Variants in AXIN1 observed in about 807,000 individuals in gnomAD.
AXIN1 encodes axin-1.
A neutral mutation model predicts 76.4 loss-of-function variants in AXIN1; 30 were observed. The ratio of observed to expected loss-of-function variants is 0.39; its 90% CI spans 0.29 to 0.53. The LOEUF (loss-of-function observed/expected upper bound fraction) is 0.53, where lower values mean the gene tolerates loss of function less well. Among genes scored for constraint, AXIN1 ranks in the 20% least tolerant of loss-of-function variants. The pLI, the probability that AXIN1 is intolerant of heterozygous loss-of-function variation, is 0.66. For missense variants in AXIN1, 1,140 were observed against 1,198.8 expected, an observed-to-expected ratio of 0.95 and a Z score of 0.72; for synonymous variants, 545 against 501.4, an observed-to-expected ratio of 1.09 and a Z score of -1.16.
At chr16:320,138 T>C (rs1029621723) in intron 2 of AXIN1, among the ~76,000 whole-genome samples, 1 of 152,112 alleles carries the variant, frequency 6.6e-6, no homozygotes, top group African/African-American at 2.4e-5. Flanking sequence ...TGACATTTTC[T>C]TTTTTATTCC....
chr16:318,569 G>A (rs1358254005), intron 2 of AXIN1, among the ~76,000 whole-genome samples: 3 of 152,256 alleles, frequency 2.0e-5, no homozygotes, highest in African/African-American at 2.4e-5. Flanking sequence ...GAACGTTCTG[G>A]TCAAAGACAC....
intron 2 of AXIN1, among the ~76,000 whole-genome samples, chr16:321,577 C>T (rs3933051): frequency 6.6e-6 from 1 of 151,948 alleles, no homozygotes. Context: ...GCTGGGAATA[C>T]GAGGTAGAAG....
intron 2 of AXIN1, among the ~76,000 whole-genome samples, chr16:345,400 A>C (rs1359064890): frequency 2.0e-5 from 3 of 152,226 alleles, no homozygotes; most frequent in East Asian, 3.9e-4. Flanking sequence ...CTGTAGGAAG[A>C]AGCTTAGAAG....
rs549473195 is a variant in AXIN1 at position 342,484 on chromosome 16, C to T, written c.878+3664G>A. ...TGCTGTGGTAGCAATGCTCACCAGC[C>T]GCCTGTTCAGTACCCACTCTCCTTT... On this transcript the variant is annotated intron_variant, in intron 2 of 10. Transcript: ENST00000262320. 6.2e-4 allele frequency among the ~76,000 whole-genome samples: 94 copies of T among 152,314 alleles called. 2 individuals carry two copies. Among genetic ancestry groups the T allele is most frequent in the Admixed American group, 2.2e-3 (33 of 15,302 alleles).
intron 4 of AXIN1, among the ~76,000 whole-genome samples, chr16:304,973 G>C (rs1252921139): frequency 2.0e-5 from 3 of 152,220 alleles, no homozygotes; most frequent in Non-Finnish European, 4.4e-5. Context: ...CTTCTTTCCA[G>C]CGTCTCCCGA....
intron 7 of AXIN1, among the ~76,000 whole-genome samples, chr16:295,677 T>C (rs1436463936): frequency 1.3e-5 from 2 of 152,092 alleles, no homozygotes. Context: ...AAAAAAAGGA[T>C]TCGGCCGGGC....
chr16:309,399 G>A (rs1419328427), intron 4 of AXIN1, among the ~76,000 whole-genome samples: 2 of 152,190 alleles, frequency 1.3e-5, no homozygotes, highest in African/African-American at 4.8e-5. Context: ...CATCAGCGCA[G>A]GAATGCTCTG....
intron 5 of AXIN1, among the ~76,000 whole-genome samples, chr16:300,546 A>C (rs1366526722): frequency 6.6e-6 from 1 of 152,058 alleles, no homozygotes; most frequent in Non-Finnish European, 1.5e-5. Context: ...TTTAGCACCC[A>C]ACTCTCACAC....
At chr16:319,059 C>T (rs1189209397) in intron 2 of AXIN1, among the ~76,000 whole-genome samples, 1 of 152,324 alleles carries the variant, frequency 6.6e-6, no homozygotes, top group Non-Finnish European at 1.5e-5. Context: ...AACAGGAAAA[C>T]GTGCACAGCT....
Position 309,877 on chromosome 16 carries a change from G to C in AXIN1, c.1116+96C>G. On this transcript the variant is annotated intron_variant, in intron 4 of 10. Transcript: ENST00000262320. The stretch of plus-strand genomic sequence containing the variant: ...ACGCCTAGAGGTAAGCCTGGCTCGT[G>C]GGAGGCCAGGCAAGTGCCTTTCCCG... 9.0e-6 allele frequency: 11 copies of C among 1,221,364 alleles called. 1 individual carries two copies. In the South Asian group the frequency reaches 1.3e-4, roughly 14 times the overall value. The allele number at this position is 1,221,364 out of a possible 1,614,324, so 75.7% of individuals were successfully genotyped here.
intron 4 of AXIN1, among the ~76,000 whole-genome samples, chr16:309,502 T>C (rs1304774705): frequency 6.6e-6 from 1 of 152,070 alleles, no homozygotes; most frequent in African/African-American, 2.4e-5. Flanking sequence ...TGGGCAAAGG[T>C]GCCATTATTC....
At chr16:344,441 A>C (rs2053993091) in intron 2 of AXIN1, among the ~76,000 whole-genome samples, 1 of 151,242 alleles carries the variant, frequency 6.6e-6, no homozygotes, top group African/African-American at 2.4e-5. Context: ...AAAAAAAAAA[A>C]AAAATTAACC....
intron 7 of AXIN1, among the ~76,000 whole-genome samples, chr16:294,161 A>G (rs2052645606): frequency 6.6e-6 from 1 of 152,068 alleles, no homozygotes; most frequent in Non-Finnish European, 1.5e-5. Context: ...GCTCAGTCTC[A>G]GGAATAAAAA....
In AXIN1 at chr16:293,311, G is replaced by GGTGGCCTGCCAC; in HGVS notation, c.2186+165_2186+176dup. On this transcript the variant is annotated intron_variant, in intron 8 of 10. Coordinates refer to ENST00000262320, the MANE Select transcript of AXIN1 (RefSeq NM_003502.4). This position sits in a 1 kb window ranked among gnomAD's most constrained non-coding sequence, Gnocchi z 4.6. ...CAGCCCCAGCCTCCGTCCACCGCAGGGTGGCCTGCCACGTGGCCCCTCAGT... is the reference window on the plus strand; with the variant it reads ...CAGCCCCAGCCTCCGTCCACCGCAGGGTGGCCTGCCACGTGGCCTGCCACGTGGCCCCTCAGT... The GGTGGCCTGCCAC allele has an allele frequency of 3.0e-6, 2 of 663,426 alleles. No individual in the cohort carries two copies. The highest frequency in any genetic ancestry group is 8.4e-4 in the Middle Eastern group (2 of 2,384). 41.1% of individuals were successfully genotyped at this position (663,426 alleles called of 1,614,324 possible). A position where few individuals can be genotyped will look rare whatever the true frequency, so the allele number is the denominator to read the frequency against.
chr16:311,263 C>A (rs1017655769), intron 3 of AXIN1, among the ~76,000 whole-genome samples: 1 of 151,808 alleles, frequency 6.6e-6, no homozygotes, highest in Non-Finnish European at 1.5e-5. Context: ...ATCTCCTGAC[C>A]CCGTGATCCG....
chr16:320,737 A>ATTTTTTTTT (rs201303569), intron 2 of AXIN1, among the ~76,000 whole-genome samples: 5 of 89,564 alleles, frequency 5.6e-5, no homozygotes, highest in African/African-American at 1.5e-4. Flanking sequence ...ATATATATAT[A>ATTTTTTTTT]TATATATTTT....
rs915643110 is a variant in AXIN1 at position 291,817 on chromosome 16, T to C, written c.2187-520A>G. The C allele has an allele frequency of 1.9e-5, 4 of 207,156 alleles. No homozygotes were observed. In the South Asian group the frequency reaches 2.1e-4, roughly 11 times the overall value. 12.8% of individuals were successfully genotyped at this position (207,156 alleles called of 1,614,324 possible). On this transcript the variant is annotated intron_variant, in intron 8 of 10. Transcript: ENST00000262320. ...CTCCACCGGGGTACACTGGGCGACC[T>C]TGATGGTGGTTTCTACTCTGACATC... is the stretch of plus-strand genomic sequence containing the variant.
chr16:335,968 C>G (rs892578333), intron 2 of AXIN1, among the ~76,000 whole-genome samples: 1 of 152,222 alleles, frequency 6.6e-6, no homozygotes, highest in African/African-American at 2.4e-5. Context: ...GGCGTGGTGG[C>G]TCACGCCTAT....
At chr16:290,002 C>T in intron 9 of AXIN1, 2 of 331,910 alleles carry the variant, frequency 6.0e-6, no homozygotes, top group South Asian at 5.5e-5. Flanking sequence ...CAGAACTGTG[C>T]ACGATTTCTG....
Sources: gnomAD v4.1 joint callset for allele counts (sites outside exome capture counted in the v4.1 genomes callset) on GRCh38, gnomAD v4.1.1 for gene constraint, Gnocchi (gnomAD v3.1) non-coding constraint, MANE v1.5 for transcripts, NCBI Gene and HGNC (gene_info 2026-07-23, HGNC 2026-07-21) for gene names.